DNAAF9: variants seen among roughly 807,000 people sequenced by gnomAD.
DNAAF9 encodes the protein dynein axonemal assembly factor 9, also known as shulin.
Under a neutral mutation model 167.0 loss-of-function variants are expected in DNAAF9, and 90 were observed. The ratio of observed to expected loss-of-function variants is 0.54; its 90% CI spans 0.45 to 0.64. DNAAF9 has a LOEUF of 0.64. Ranked by LOEUF, DNAAF9 falls within the 30% of genes least tolerant of loss-of-function variation. The pLI, the probability that DNAAF9 is intolerant of heterozygous loss-of-function variation, is 0.00. For synonymous variants in DNAAF9, 491 were observed against 508.8 expected, an observed-to-expected ratio of 0.96 and a Z score of 0.47; for missense variants, 1,315 against 1,442.2, an observed-to-expected ratio of 0.91 and a Z score of 1.43.
At chr20:3,254,848 A>G (rs2281494) in intron 35 of DNAAF9, among the ~76,000 whole-genome samples, 29,947 of 152,168 alleles carry the variant, frequency 0.2, 3,157 homozygotes, top group African/African-American at 0.25. Context: ...CAGGTTCCAC[A>G]GCCTTCCTAT....
At position 3,253,833 on chromosome 20, in the gene DNAAF9, G is replaced by A. The variant is rs75106210; in HGVS notation, c.3328-14C>T. 2.1e-3 allele frequency: 2,981 copies of A among 1,397,048 alleles called. 57 individuals carry two copies. In the African/African-American group the frequency reaches 0.038, roughly 18 times the overall value. The allele number at this position is 1,397,048 out of a possible 1,614,324, so 86.5% of individuals were successfully genotyped here. A position where few individuals can be genotyped will look rare whatever the true frequency, so the allele number is the denominator to read the frequency against. ...GTGGCGTTTTACCTGTAGGAGAAAA[G>A]AGACCTGTAATAATTATCTGACTAC... On this transcript the variant is annotated splice_polypyrimidine_tract_variant and intron_variant, in intron 35 of 36. Transcript: ENST00000252032.
At chr20:3,307,058 C>T (rs1376371725) in intron 20 of DNAAF9, 1 of 985,282 alleles carries the variant, frequency 1.0e-6, no homozygotes, top group Non-Finnish European at 1.2e-6. Context: ...CTGGACAAAG[C>T]TCAAAATCCT....
chr20:3,308,759 G>T (rs577329164), intron 20 of DNAAF9, among the ~76,000 whole-genome samples: 1 of 151,648 alleles, frequency 6.6e-6, no homozygotes, highest in East Asian at 2.0e-4. Flanking sequence ...GGAGCTTCAC[G>T]TGAGGCCTGG....
At chr20:3,332,900 G>GTGTGTGGTGTGTGTGTGTGT (rs1376871054) in intron 10 of DNAAF9, among the ~76,000 whole-genome samples, 2 of 146,840 alleles carry the variant, frequency 1.4e-5, no homozygotes, top group African/African-American at 5.0e-5. Context: ...GTGTGCGTGT[G>GTGTGTGGTGTGTGTGTGTGT]GTGTGTGTGT....
chr20:3,318,428 C>T (rs2069549464), intron 16 of DNAAF9, 28 bp from the exon 17 acceptor site: 2 of 1,125,612 alleles, frequency 1.8e-6, no homozygotes, highest in South Asian at 2.5e-5. Flanking sequence ...CCAGTTAGAT[C>T]AGTTACCAGC....
chr20:3,400,912 T>C (rs369788868), intron 1 of DNAAF9, among the ~76,000 whole-genome samples: 5 of 152,200 alleles, frequency 3.3e-5, no homozygotes, highest in African/African-American at 9.6e-5. Flanking sequence ...TAAGTAAGCA[T>C]ACCCTTTTTA....
intron 24 of DNAAF9, 108 bp downstream of exon 24, chr20:3,294,420 G>A (rs1387526916): frequency 3.4e-5 from 28 of 822,050 alleles, no homozygotes; most frequent in Non-Finnish European, 4.9e-5. Context: ...ATTTTACAGT[G>A]ATCTCTAAGA....
At chr20:3,371,482 T>G (rs2123214076) in intron 6 of DNAAF9, among the ~76,000 whole-genome samples, 1 of 151,798 alleles carries the variant, frequency 6.6e-6, no homozygotes, top group African/African-American at 2.4e-5. Flanking sequence ...TAGCTGGGAC[T>G]ACAGGCGCCT....
chr20:3,269,889 C>T (rs1400538620), intron 30 of DNAAF9, among the ~76,000 whole-genome samples: 11 of 150,240 alleles, frequency 7.3e-5, no homozygotes, highest in African/African-American at 1.7e-4. Context: ...ACCTGGGAGG[C>T]GGAGCTTGCA....
In DNAAF9 at chr20:3,253,833, G is replaced by T; in HGVS notation, c.3328-14C>A. 1 of 1,397,054 alleles carries T rather than the reference G, an allele frequency of 7.2e-7. No individual in the cohort carries two copies. Among genetic ancestry groups the T allele is most frequent in the Non-Finnish European group, 1.0e-6 (1 of 982,070 alleles). 86.5% of individuals were successfully genotyped at this position (1,397,054 alleles called of 1,614,324 possible). A position where few individuals can be genotyped will look rare whatever the true frequency, so the allele number is the denominator to read the frequency against. ...GTGGCGTTTTACCTGTAGGAGAAAA[G>T]AGACCTGTAATAATTATCTGACTAC... On this transcript the variant is annotated splice_polypyrimidine_tract_variant and intron_variant, in intron 35 of 36. Coordinates refer to ENST00000252032, the MANE Select transcript of DNAAF9 (RefSeq NM_001009984.3).
At chr20:3,316,935 C>T (rs377394820) in intron 17 of DNAAF9, 142 bp from the exon 18 acceptor site, 5 of 520,808 alleles carry the variant, frequency 9.6e-6, no homozygotes, top group African/African-American at 8.4e-5. Context: ...TGTTCTGTCA[C>T]CCAGGCTGGA....
At chr20:3,383,764 C>T (rs961927757) in intron 1 of DNAAF9, among the ~76,000 whole-genome samples, 16 of 151,520 alleles carry the variant, frequency 1.1e-4, no homozygotes, top group African/African-American at 3.6e-4. Flanking sequence ...CACTATTTCT[C>T]TTCACTAATT....
intron 1 of DNAAF9, among the ~76,000 whole-genome samples, chr20:3,407,159 T>C (rs558449245): frequency 2.0e-5 from 3 of 152,052 alleles, no homozygotes; most frequent in South Asian, 4.2e-4. Context: ...AAACGTTCTA[T>C]GGGGGTGAGG....
At chr20:3,310,005 C>T (rs184590724) in intron 20 of DNAAF9, among the ~76,000 whole-genome samples, 6 of 152,104 alleles carry the variant, frequency 3.9e-5, no homozygotes, top group Admixed American at 2.0e-4. Flanking sequence ...CCAGCCTGAC[C>T]GACATAGAGA....
chr20:3,336,258 G>GTTTTTTTTTTT (rs367718705), intron 10 of DNAAF9, among the ~76,000 whole-genome samples: 8 of 113,550 alleles, frequency 7.0e-5, no homozygotes, highest in African/African-American at 1.4e-4. Context: ...TTGCGTTTTT[G>GTTTTTTTTTTT]TTTTTTTTTT....
At chr20:3,401,325 CCT>C (rs1473049148) in intron 1 of DNAAF9, among the ~76,000 whole-genome samples, 1 of 152,106 alleles carries the variant, frequency 6.6e-6, no homozygotes, top group African/African-American at 2.4e-5. Context: ...CCTGCCTCAG[CCT>C]CTCCAGTAGC....
rs2123062957 is a variant in DNAAF9, at chr20:3,326,399, G to A, written c.1101-115C>T. ...CTGATTTTTAAACAGAATGAAAAAA[G>A]GCAAAAATATAACCCACTGATTTCT... On this transcript the variant is annotated intron_variant, in intron 12 of 36. Coordinates refer to ENST00000252032, the MANE Select transcript of DNAAF9 (RefSeq NM_001009984.3). 4 of 711,934 alleles carry A rather than the reference G, an allele frequency of 5.6e-6. 1 individual carries two copies. In the South Asian group the frequency reaches 7.1e-5, roughly 13 times the overall value. The allele number at this position is 711,934 out of a possible 1,614,324, so 44.1% of individuals were successfully genotyped here. A position where few individuals can be genotyped will look rare whatever the true frequency, so the allele number is the denominator to read the frequency against.
At chr20:3,311,620 A>G (rs2069414885) in intron 20 of DNAAF9, among the ~76,000 whole-genome samples, 1 of 152,238 alleles carries the variant, frequency 6.6e-6, no homozygotes, top group Admixed American at 6.5e-5. Flanking sequence ...GGAATACTAT[A>G]GGGCCATGAA....
intron 23 of DNAAF9, chr20:3,295,621 G>A (rs959314372): frequency 1.4e-5 from 6 of 439,292 alleles, no homozygotes; most frequent in Non-Finnish European, 2.3e-5. Flanking sequence ...GGACTGAGAG[G>A]GAGCGTGAGG....
Sources: gnomAD v4.1 joint callset for allele counts (sites outside exome capture counted in the v4.1 genomes callset) on GRCh38, gnomAD v4.1.1 for gene constraint, MANE v1.5 for transcripts, NCBI Gene and HGNC (gene_info 2026-07-23, HGNC 2026-07-21) for gene names.